The following IKZF1 variants were observed in gnomAD, a reference collection of about 807,000 sequenced individuals.
The protein encoded by IKZF1 is DNA-binding protein Ikaros.
A neutral mutation model predicts 51.7 loss-of-function variants in IKZF1; 10 were observed. That is an observed-to-expected ratio of 0.19 (90% CI 0.12 to 0.33). The LOEUF (loss-of-function observed/expected upper bound fraction) is 0.33, where lower values mean the gene tolerates loss of function less well. Ranked by LOEUF, IKZF1 falls within the 10% of genes least tolerant of loss-of-function variation. The pLI, the probability that IKZF1 is intolerant of heterozygous loss-of-function variation, is 1.00. For synonymous variants in IKZF1, 280 were observed against 282.3 expected, an observed-to-expected ratio of 0.99 and a Z score of 0.08; for missense variants, 484 against 707.5, an observed-to-expected ratio of 0.68 and a Z score of 3.58.
rs536457842 is a variant in IKZF1 at position 50,349,304 on chromosome 7, G to A, written c.160+21547G>A. ...TACTATCCAGTCTAGTTTTTCTTGC[G>A]AAGTGTTTGTTGAGTGTGTAATGAG... On this transcript the variant is annotated intron_variant, in intron 3 of 7. Transcript: ENST00000331340. 3.3e-4 allele frequency among the ~76,000 whole-genome samples: 50 copies of A among 152,264 alleles called. No individual in the cohort carries two copies. The South Asian group carries it at 0.01, about 32-fold the overall frequency.
chr7:50,314,188 G>A (rs1790902359), intron 1 of IKZF1, among the ~76,000 whole-genome samples: 1 of 152,072 alleles, frequency 6.6e-6, no homozygotes, highest in Non-Finnish European at 1.5e-5. Flanking sequence ...TCAGCTCACT[G>A]CAAGCTCCAC....
intron 3 of IKZF1, among the ~76,000 whole-genome samples, chr7:50,362,147 A>T (rs926618471): frequency 6.6e-6 from 1 of 152,228 alleles, no homozygotes; most frequent in Non-Finnish European, 1.5e-5. Context: ...TCTCCAAATC[A>T]TCTGCTCTGG....
chr7:50,345,655 C>T (rs1263054574), intron 3 of IKZF1, among the ~76,000 whole-genome samples: 1 of 152,100 alleles, frequency 6.6e-6, no homozygotes, highest in Non-Finnish European at 1.5e-5. Context: ...AATTTGCCTT[C>T]TGGTGTAAGA....
chr7:50,372,990 G>A (rs529609965), intron 3 of IKZF1, among the ~76,000 whole-genome samples: 1 of 152,340 alleles, frequency 6.6e-6, no homozygotes, highest in Admixed American at 6.5e-5. Flanking sequence ...TTTTGGTTCT[G>A]TTACAGCTCT....
chr7:50,313,073 C>G (rs1006171730), intron 1 of IKZF1, among the ~76,000 whole-genome samples: 19 of 152,220 alleles, frequency 1.2e-4, no homozygotes, highest in African/African-American at 4.3e-4. Flanking sequence ...TATAAGGTCT[C>G]TTTGACTAGA....
intron 4 of IKZF1, among the ~76,000 whole-genome samples, chr7:50,381,043 C>G (rs1811707512): frequency 6.6e-6 from 1 of 152,114 alleles, no homozygotes; most frequent in Non-Finnish European, 1.5e-5. Context: ...ATCAGGACCT[C>G]TCCATTGGCC....
chr7:50,386,697 G>C (rs1450684859), intron 5 of IKZF1, among the ~76,000 whole-genome samples: 1 of 151,718 alleles, frequency 6.6e-6, no homozygotes, highest in Non-Finnish European at 1.5e-5. Flanking sequence ...AAAATATTTT[G>C]TATTACATAT....
At chr7:50,369,475 G>A (rs1807996117) in intron 3 of IKZF1, 2 of 398,524 alleles carry the variant, frequency 5.0e-6, no homozygotes, top group Non-Finnish European at 8.8e-6. Flanking sequence ...TTATGCAAAT[G>A]TGTCCATAAG....
intron 1 of IKZF1, among the ~76,000 whole-genome samples, chr7:50,312,742 A>G (rs1198244771): frequency 6.6e-6 from 1 of 152,230 alleles, no homozygotes; most frequent in African/African-American, 2.4e-5. Context: ...CCATAAAAAT[A>G]AAAAATGCTA....
At chr7:50,349,255 G>A (rs1357063172) in intron 3 of IKZF1, among the ~76,000 whole-genome samples, 1 of 152,146 alleles carries the variant, frequency 6.6e-6, no homozygotes, top group Non-Finnish European at 1.5e-5. Flanking sequence ...CTAGTAAACT[G>A]TTAGGGAAAT....
At chr7:50,362,894 T>C (rs77285773) in intron 3 of IKZF1, among the ~76,000 whole-genome samples, 19,820 of 152,040 alleles carry the variant, frequency 0.13, 1,483 homozygotes, top group East Asian at 0.23. Flanking sequence ...TGCCAGACGG[T>C]GGACAGGAAA....
chr7:50,357,812 G>A (rs998022784), intron 3 of IKZF1, among the ~76,000 whole-genome samples: 4 of 152,178 alleles, frequency 2.6e-5, no homozygotes, highest in Admixed American at 6.5e-5. Context: ...TGGGAGGGAG[G>A]CAACGAGTTA....
At chr7:50,390,220 C>T (rs1814653422) in intron 6 of IKZF1, among the ~76,000 whole-genome samples, 1 of 152,120 alleles carries the variant, frequency 6.6e-6, no homozygotes, top group African/African-American at 2.4e-5. Flanking sequence ...TTTTGGGAGG[C>T]CCTGCGCCAT....
At chr7:50,367,931 T>C (rs1286740333) in intron 3 of IKZF1, 12 of 607,576 alleles carry the variant, frequency 2.0e-5, no homozygotes, top group Non-Finnish European at 3.5e-5. Flanking sequence ...AAAAAAGTAA[T>C]GCTTTCTGTT....
intron 7 of IKZF1, among the ~76,000 whole-genome samples, chr7:50,395,210 T>A (rs1170759766): frequency 6.6e-6 from 1 of 152,210 alleles, no homozygotes; most frequent in African/African-American, 2.4e-5. Flanking sequence ...GTTGCATATG[T>A]ATGTGAGTGG....
chr7:50,344,652 G>A (rs1799905083), intron 3 of IKZF1, among the ~76,000 whole-genome samples: 1 of 152,196 alleles, frequency 6.6e-6, no homozygotes, highest in Admixed American at 6.5e-5. Flanking sequence ...CAAGTTCCTT[G>A]CAGGCAGGTA....
intron 3 of IKZF1, among the ~76,000 whole-genome samples, chr7:50,356,789 G>A (rs1562814487): frequency 6.6e-6 from 1 of 152,140 alleles, no homozygotes; most frequent in Non-Finnish European, 1.5e-5. Context: ...GGAGGATGTG[G>A]AAACCCAGTT....
chr7:50,400,331 G>T lies in IKZF1; in HGVS notation c.1264G>T (p.Ala422Ser). The T allele has an allele frequency of 2.5e-6, 4 of 1,612,918 alleles. No homozygotes were observed. The highest frequency in any genetic ancestry group is 3.4e-6 in the Non-Finnish European group (4 of 1,179,716). Residue 422 changes from alanine to serine, a missense_variant, in exon 8 of 8, where the codon GCG becomes TCG. By Grantham distance (99) the Ala-to-Ser change is moderately conservative. Around this residue, in one of 6 missense-constraint regions of IKZF1, gnomAD observed 72 missense variants for 67.5 expected, o/e 1.07. Coordinates refer to ENST00000331340, the MANE Select transcript of IKZF1 (RefSeq NM_006060.6). This position sits in a 1 kb window ranked among gnomAD's most constrained non-coding sequence, Gnocchi z 5.4. ...IYLTNHIAPH[A>S]RNGLSLKEEH... ...CCTGACCAACCACATCGCCCCGCAC[G>T]CGCGCAACGGGCTGTCGCTCAAGGA... is the stretch of plus-strand genomic sequence containing the variant.
At chr7:50,369,152 A>G (rs976906251) in intron 3 of IKZF1, 9 of 243,560 alleles carry the variant, frequency 3.7e-5, no homozygotes, top group African/African-American at 1.5e-4. Flanking sequence ...ATATATGTGT[A>G]TTTGTTTACA....
Sources: gnomAD v4.1 joint callset for allele counts (sites outside exome capture counted in the v4.1 genomes callset) on GRCh38, gnomAD v4.1.1 for gene constraint, gnomAD v4.1.1 regional missense constraint, Gnocchi (gnomAD v3.1) non-coding constraint, MANE v1.5 for transcripts, NCBI Gene and HGNC (gene_info 2026-07-23, HGNC 2026-07-21) for gene names.